Variants in PAMR1 observed in about 807,000 individuals in gnomAD.
The protein encoded by PAMR1 is inactive serine protease PAMR1.
Under a neutral mutation model 81.8 loss-of-function variants are expected in PAMR1, and 88 were observed. The observed-to-expected ratio is 1.08, with a 90% CI of 0.91 to 1.28. PAMR1 has a LOEUF of 1.28. PAMR1 is among the 50% of genes most tolerant of loss of function. The pLI, the probability that PAMR1 is intolerant of heterozygous loss-of-function variation, is 0.00. For synonymous variants in PAMR1, 336 were observed against 345.3 expected (o/e 0.97, Z 0.30); for missense variants, 935 against 919.7 (o/e 1.02, Z -0.21).
chr11:35,475,418 T>C (rs773061130), intron 3 of PAMR1, among the ~76,000 whole-genome samples: 3 of 152,188 alleles, frequency 2.0e-5, no homozygotes, highest in Non-Finnish European at 4.4e-5. Flanking sequence ...GGCTCCTGGT[T>C]AAAGCAGAAG....
intron 4 of PAMR1, among the ~76,000 whole-genome samples, chr11:35,472,853 T>G (rs975664029): frequency 1.3e-5 from 2 of 152,138 alleles, no homozygotes; most frequent in Non-Finnish European, 2.9e-5. Context: ...CGATAGATCT[T>G]GTGTGGTAAG....
upstream of PAMR1, among the ~76,000 whole-genome samples, chr11:35,526,685 C>T (rs925218660): frequency 6.6e-6 from 1 of 152,196 alleles, no homozygotes. Flanking sequence ...GGCCCACAGG[C>T]TATAGTCTTA....
At chr11:35,472,866 A>C (rs867126488) in intron 4 of PAMR1, among the ~76,000 whole-genome samples, 5 of 152,182 alleles carry the variant, frequency 3.3e-5, no homozygotes, top group Middle Eastern at 3.2e-3. Context: ...GTGGTAAGGA[A>C]TCTAGATTTT....
intron 1 of PAMR1, among the ~76,000 whole-genome samples, chr11:35,503,423 G>C (rs565724177): frequency 1.3e-5 from 2 of 152,074 alleles, no homozygotes; most frequent in African/African-American, 4.8e-5. Flanking sequence ...TGAAGATTCA[G>C]TGCTTTGAGT....
Position 35,436,002 on chromosome 11 carries a change from A to G in PAMR1, c.1234T>C (p.Tyr412His). The G allele has an allele frequency of 6.2e-7, 1 of 1,614,114 alleles. No homozygotes were observed. The highest frequency in any genetic ancestry group is 8.5e-7 in the Non-Finnish European group (1 of 1,180,006). Residue 412 changes from tyrosine to histidine, a missense_variant, in exon 9 of 11, where the codon TAT (tyrosine) becomes CAT (histidine). Transcript: ENST00000619888. ...CGGTAGAAGGGTGAGATGCACTCATACTGGAGCTGGGTATGCAGATGTTGG... is the reference window on the plus strand; with the variant it reads ...CGGTAGAAGGGTGAGATGCACTCATGCTGGAGCTGGGTATGCAGATGTTGG... ...GYQHLHTQLQYECISPFYRRL... is the reference protein window; with the variant it reads ...GYQHLHTQLQHECISPFYRRL...
chr11:35,475,757 C>T (rs1457494935), intron 3 of PAMR1, among the ~76,000 whole-genome samples: 1 of 152,150 alleles, frequency 6.6e-6, no homozygotes, highest in African/African-American at 2.4e-5. Flanking sequence ...ACAGTGACAC[C>T]CATTCATTTA....
chr11:35,472,577 C>G (rs192111616), intron 4 of PAMR1, among the ~76,000 whole-genome samples: 71 of 152,276 alleles, frequency 4.7e-4, no homozygotes, highest in African/African-American at 1.6e-3. Flanking sequence ...TAAAAAGTGA[C>G]TAAGGTGTTA....
chr11:35,516,824 A>G (rs1388808355), intron 1 of PAMR1, among the ~76,000 whole-genome samples: 1 of 152,202 alleles, frequency 6.6e-6, no homozygotes, highest in Non-Finnish European at 1.5e-5. Flanking sequence ...ACTTTACATT[A>G]TAGTCAAATG....
chr11:35,478,835 CGTGTGT>C (rs111660645), intron 3 of PAMR1, among the ~76,000 whole-genome samples: 1 of 149,610 alleles, frequency 6.7e-6, no homozygotes, highest in African/African-American at 2.4e-5. Flanking sequence ...GGTGTGTGGG[CGTGTGT>C]GTGTGTGTGT....
chr11:35,454,470 C>T (rs1187589473), intron 6 of PAMR1, among the ~76,000 whole-genome samples: 6 of 152,194 alleles, frequency 3.9e-5, no homozygotes, highest in Admixed American at 3.3e-4. Context: ...TGAAAACACT[C>T]TTGCTTGATT....
At chr11:35,493,141 T>C (rs940094978) in intron 2 of PAMR1, among the ~76,000 whole-genome samples, 4 of 152,132 alleles carry the variant, frequency 2.6e-5, no homozygotes, top group African/African-American at 7.2e-5. Flanking sequence ...CCCAAATCCC[T>C]CTACCTCTCA....
At chr11:35,477,631 T>C (rs1006438987) in intron 3 of PAMR1, among the ~76,000 whole-genome samples, 13 of 152,220 alleles carry the variant, frequency 8.5e-5, no homozygotes, top group Admixed American at 4.6e-4. Flanking sequence ...TATACGGTTT[T>C]GTGAAGCTTA....
In PAMR1 at chr11:35,499,242, C is replaced by T. The variant is rs1285349876; in HGVS notation, c.74-4970G>A. Among the ~76,000 whole-genome samples, 3 of 152,070 alleles carry T rather than the reference C, an allele frequency of 2.0e-5. No individual in the cohort carries two copies. The South Asian group carries it at 6.2e-4, about 32-fold the overall frequency. ...TTCCTCCCACAGCGAGGTATCTAGACATGGGGGTCCAGGTGGCCTGCCTTG... is the reference window on the plus strand; with the variant it reads ...TTCCTCCCACAGCGAGGTATCTAGATATGGGGGTCCAGGTGGCCTGCCTTG... On this transcript the variant is annotated intron_variant, in intron 1 of 10. Transcript: ENST00000619888.
chr11:35,487,977 A>G (rs1850542060), intron 3 of PAMR1, among the ~76,000 whole-genome samples: 1 of 152,216 alleles, frequency 6.6e-6, no homozygotes, highest in Non-Finnish European at 1.5e-5. Flanking sequence ...TATGCTACCT[A>G]TAAATAATTC....
intron 6 of PAMR1, among the ~76,000 whole-genome samples, chr11:35,462,419 A>C (rs1172726228): frequency 9.2e-5 from 14 of 152,164 alleles, no homozygotes; most frequent in Non-Finnish European, 1.5e-5. Flanking sequence ...TCTTGCCTGT[A>C]TGTTGGTGCA....
At chr11:35,463,536 AT>A (rs1183641667) in intron 6 of PAMR1, among the ~76,000 whole-genome samples, 2 of 152,208 alleles carry the variant, frequency 1.3e-5, no homozygotes, top group Non-Finnish European at 2.9e-5. Context: ...TCGAGGACCC[AT>A]TTTGTTGTTG....
intron 1 of PAMR1, among the ~76,000 whole-genome samples, chr11:35,522,653 G>A (rs1257449653): frequency 1.3e-5 from 2 of 152,186 alleles, no homozygotes; most frequent in Non-Finnish European, 2.9e-5. Context: ...GAACATTGAT[G>A]TAAACATATC....
intron 1 of PAMR1, among the ~76,000 whole-genome samples, chr11:35,517,040 C>T (rs1851177406): frequency 6.6e-6 from 1 of 152,108 alleles, no homozygotes; most frequent in Admixed American, 6.5e-5. Context: ...TCTCTGTAGA[C>T]TGACGATAAT....
At chr11:35,474,281 T>A (rs1850243363) in intron 4 of PAMR1, among the ~76,000 whole-genome samples, 1 of 152,246 alleles carries the variant, frequency 6.6e-6, no homozygotes, top group Non-Finnish European at 1.5e-5. Flanking sequence ...CTTTGAAAAT[T>A]AGGCCTGTGC....
Sources: gnomAD v4.1 joint callset for allele counts (sites outside exome capture counted in the v4.1 genomes callset) on GRCh38, gnomAD v4.1.1 for gene constraint, MANE v1.5 for transcripts, NCBI Gene and HGNC (gene_info 2026-07-23, HGNC 2026-07-21) for gene names.